DAZAP2: variants seen among roughly 807,000 people sequenced by gnomAD.
DAZAP2 encodes the protein DAZ-associated protein 2.
Under a neutral mutation model 16.2 loss-of-function variants are expected in DAZAP2, and 3 were observed. The observed-to-expected ratio is 0.19, with a 90% confidence interval of 0.08 to 0.48. The LOEUF (loss-of-function observed/expected upper bound fraction) is 0.48. Ranked by LOEUF, DAZAP2 falls within the 20% of genes least tolerant of loss-of-function variation. The pLI is 0.98. For synonymous variants in DAZAP2, 69 were observed against 77.6 expected, an observed-to-expected ratio of 0.89 and a Z score of 0.58; for missense variants, 172 against 215.9, an observed-to-expected ratio of 0.80 and a Z score of 1.27.
intron 3 of DAZAP2, among the ~76,000 whole-genome samples, chr12:51,241,766 C>T (rs1031868805): frequency 2.6e-5 from 4 of 151,992 alleles, no homozygotes; most frequent in Non-Finnish European, 2.9e-5. Context: ...ACTATAAATA[C>T]AAAAATTAGC....
At chr12:51,240,659 A>T in intron 2 of DAZAP2, 198 bp downstream of exon 2, 1 of 851,544 alleles carries the variant, frequency 1.2e-6, no homozygotes, top group Non-Finnish European at 1.8e-6. Context: ...GCACAGGCTA[A>T]GGTGCAGAAG....
At chr12:51,245,240 T>C (rs558851900), downstream of DAZAP2, 2 of 152,310 alleles carry the variant, frequency 1.3e-5, no homozygotes, top group South Asian at 2.1e-4. Flanking sequence ...AGGGTTCTTA[T>C]TGCTTGGAAG....
chr12:51,243,745 C>G lies in DAZAP2; in HGVS notation c.*1287C>G. 8.1e-6 allele frequency: 8 copies of G among 985,598 alleles called. No homozygotes were observed. The highest frequency in any genetic ancestry group is 9.6e-6 in the Non-Finnish European group (8 of 829,736). The allele number at this position is 985,598 out of a possible 1,614,324, so 61.1% of individuals were successfully genotyped here. On this transcript the variant is annotated 3_prime_UTR_variant, in exon 4 of 4. Coordinates refer to ENST00000412716, the MANE Select transcript of DAZAP2 (RefSeq NM_014764.4). ...TTATACTAAAAATGTAGAATAAAGACTATTTTGAAGATTTGAATAAAGTGA... is the reference window on the plus strand; with the variant it reads ...TTATACTAAAAATGTAGAATAAAGAGTATTTTGAAGATTTGAATAAAGTGA...
chr12:51,246,277 C>T, downstream of DAZAP2: 1 of 1,041,788 alleles, frequency 9.6e-7, no homozygotes, highest in Non-Finnish European at 1.4e-6. Flanking sequence ...CCACCAACCC[C>T]AATTTCCATG....
At position 51,242,368 on chromosome 12, in the gene DAZAP2, T is replaced by A. The variant is rs747907569; in HGVS notation, c.417T>A (p.Leu139=). 8 of 1,612,258 alleles carry A rather than the reference T, an allele frequency of 5.0e-6. No individual in the cohort carries two copies. The Admixed American group carries it at 1.3e-4, about 27-fold the overall frequency. ...PPGCPPNAAQ[L]AVMQGANVLV... ...GATGCCCTCCCAATGCTGCTCAGCTTGCAGTCATGCAGGGAGCCAACGTCC... is the reference window on the plus strand; with the variant it reads ...GATGCCCTCCCAATGCTGCTCAGCTAGCAGTCATGCAGGGAGCCAACGTCC... Residue 139 remains leucine, a synonymous_variant, in exon 4 of 4, where the codon CTT becomes CTA. Transcript: ENST00000412716.
At chr12:51,245,101 A>G (rs1944749385), downstream of DAZAP2, 2 of 152,020 alleles carry the variant, frequency 1.3e-5, no homozygotes, top group South Asian at 4.2e-4. Flanking sequence ...TGCTGGGATC[A>G]CAGGCGTGAG....
chr12:51,240,705 A>G lies in DAZAP2; in HGVS notation c.133-166A>G, dbSNP rs566645364. ...GTTCTGTGAGCCCAACATTAGCTAT[A>G]GCAGAAAGTGATCCAGGAGAATATT... is the stretch of plus-strand genomic sequence containing the variant. On this transcript the variant is annotated intron_variant, in intron 2 of 3. Transcript: ENST00000412716. The G allele has an allele frequency of 1.6e-3, 1,594 of 997,732 alleles. 7 individuals are homozygous for G. The highest frequency in any genetic ancestry group is 2.0e-3 in the Non-Finnish European group (1,414 of 691,308). 61.8% of individuals were successfully genotyped at this position (997,732 alleles called of 1,614,324 possible).
rs980314694 is a variant in DAZAP2, at chr12:51,242,705, C to G, written c.*247C>G. 3 of 1,482,718 alleles carry G rather than the reference C, an allele frequency of 2.0e-6. No homozygotes were observed. The African/African-American group carries it at 4.2e-5, about 21-fold the overall frequency. The allele number at this position is 1,482,718 out of a possible 1,614,324, so 91.8% of individuals were successfully genotyped here. A position where few individuals can be genotyped will look rare whatever the true frequency, so the allele number is the denominator to read the frequency against. On this transcript the variant is annotated 3_prime_UTR_variant, in exon 4 of 4. Transcript: ENST00000412716. ...TTCATAAAATGAATGTGGGTGAAGCCGCCCTAAGGATTTTCCTTTAATTTC... is the reference window on the plus strand; with the variant it reads ...TTCATAAAATGAATGTGGGTGAAGCGGCCCTAAGGATTTTCCTTTAATTTC...
In DAZAP2 at chr12:51,240,973, G is replaced by A. The variant is rs138970901; in HGVS notation, c.235G>A (p.Ala79Thr). The A allele has an allele frequency of 2.7e-5, 44 of 1,614,024 alleles. No homozygotes were observed. The African/African-American group carries it at 5.7e-4, about 21-fold the overall frequency. The change falls in exon 3 of 4, where the codon GCT becomes ACT. Residue 79 changes from alanine to threonine, a missense_variant. Transcript: ENST00000412716. ...GTATCTTCCCATGGCCCAGTCTGTGGCTGTTGGGCCTTTAGGTTCCACAAT... is the reference window on the plus strand; with the variant it reads ...GTATCTTCCCATGGCCCAGTCTGTGACTGTTGGGCCTTTAGGTTCCACAAT... ...SLYLPMAQSV[A>T]VGPLGSTIPM...
intron 1 of DAZAP2, 180 bp from the exon 2 acceptor site, chr12:51,240,163 T>A: frequency 1.6e-6 from 1 of 607,388 alleles, no homozygotes; most frequent in East Asian, 2.7e-5. Flanking sequence ...TCCAGCACCT[T>A]CCATTTTAAG....
rs1245752148 is a variant in DAZAP2, at chr12:51,243,072, T to C, written c.*614T>C. On this transcript the variant is annotated 3_prime_UTR_variant, in exon 4 of 4. Transcript: ENST00000412716. The stretch of plus-strand genomic sequence containing the variant: ...TCCCCACTCGTCATCTTTTAACTAG[T>C]GTTTCACAAGGATCCTCTGAAACCC... The C allele has an allele frequency of 1.0e-6, 1 of 991,098 alleles. No homozygotes were observed. The highest frequency in any genetic ancestry group is 1.1e-4 in the East Asian group (1 of 8,944). 61.4% of individuals were successfully genotyped at this position (991,098 alleles called of 1,614,324 possible).
At chr12:51,240,257 C>T in intron 1 of DAZAP2, 86 bp from the exon 2 acceptor site, 1 of 1,004,554 alleles carries the variant, frequency 1.0e-6, no homozygotes, top group South Asian at 1.3e-5. Flanking sequence ...TCTGCTTGCT[C>T]CCACTAAGTT....
At chr12:51,241,632 G>A (rs138419929) in intron 3 of DAZAP2, among the ~76,000 whole-genome samples, 41 of 152,314 alleles carry the variant, frequency 2.7e-4, no homozygotes, top group African/African-American at 9.1e-4. Flanking sequence ...AAGTGAATGT[G>A]TCATTAGCGA....
downstream of DAZAP2, chr12:51,246,175 G>C: frequency 6.3e-7 from 1 of 1,586,142 alleles, no homozygotes; most frequent in Non-Finnish European, 8.6e-7. Context: ...TGTCTCAGTA[G>C]TTCCTGGAGT....
intron 1 of DAZAP2, chr12:51,240,074 T>C (rs1415857950): frequency 6.7e-6 from 3 of 449,286 alleles, no homozygotes; most frequent in African/African-American, 4.0e-5. Flanking sequence ...CGGAGGGAAC[T>C]TGGGCCCAGG....
intron 1 of DAZAP2, chr12:51,239,174 G>A (rs1944614684): frequency 1.9e-6 from 1 of 517,314 alleles, no homozygotes; most frequent in Non-Finnish European, 3.4e-6. Flanking sequence ...GGGGGGGCTT[G>A]ACATGATGGG....
At chr12:51,241,254 GAA>G (rs143031853) in intron 3 of DAZAP2, 138 bp downstream of exon 3, 1 of 1,357,876 alleles carries the variant, frequency 7.4e-7, no homozygotes, top group Non-Finnish European at 9.9e-7. Context: ...TACTCAGGCA[GAA>G]AGTGTTTGAG....
At chr12:51,244,706 G>A (rs1386677194), downstream of DAZAP2, 1 of 152,134 alleles carries the variant, frequency 6.6e-6, no homozygotes, top group Admixed American at 6.6e-5. Flanking sequence ...GGATACACTG[G>A]GAAAGGTGGT....
intron 3 of DAZAP2, among the ~76,000 whole-genome samples, 180 bp downstream of exon 3, chr12:51,241,296 C>G (rs1165508137): frequency 6.6e-6 from 1 of 152,150 alleles, no homozygotes; most frequent in African/African-American, 2.4e-5. Flanking sequence ...TGAGTAGCAT[C>G]TCACTGGGGG....
Sources: allele counts gnomAD v4.1 joint callset (sites outside exome capture counted in the v4.1 genomes callset), GRCh38; gene constraint gnomAD v4.1.1; transcripts MANE v1.5; gene names NCBI Gene and HGNC (gene_info 2026-07-23, HGNC 2026-07-21).